The following BPNT1 variants were observed in gnomAD, a reference collection of about 807,000 sequenced individuals.
BPNT1 encodes 3'(2'), 5'-bisphosphate nucleotidase 1.
A neutral mutation model predicts 36.9 loss-of-function variants in BPNT1; 28 were observed. That is an observed-to-expected ratio of 0.76 (90% CI 0.56 to 1.04). BPNT1 has a LOEUF of 1.04. BPNT1 is among the 50% of genes least tolerant of loss of function. The pLI is 0.00. For missense variants in BPNT1, 313 were observed against 372.9 expected, an observed-to-expected ratio of 0.84 and a Z score of 1.32; for synonymous variants, 119 against 130.9, an observed-to-expected ratio of 0.91 and a Z score of 0.62.
intron 1 of BPNT1, among the ~76,000 whole-genome samples, chr1:220,081,926 C>T (rs973097174): frequency 6.6e-6 from 1 of 151,738 alleles, no homozygotes; most frequent in African/African-American, 2.4e-5. Context: ...TCCGAAAGCA[C>T]TCCCTAATAA....
At chr1:220,061,410 T>C (rs1663017771) in intron 7 of BPNT1, among the ~76,000 whole-genome samples, 1 of 151,878 alleles carries the variant, frequency 6.6e-6, no homozygotes, top group African/African-American at 2.4e-5. Flanking sequence ...GGCAGGCGCC[T>C]GTAATCCCAG....
rs993765425 is a variant in BPNT1, at chr1:220,078,402, AAAT to A, written c.120+1322_120+1324del. Among the ~76,000 whole-genome samples, 29 of 143,142 alleles carry A rather than the reference AAAT, an allele frequency of 2.0e-4. 1 individual carries two copies. The highest frequency in any genetic ancestry group is 3.6e-3 in the Middle Eastern group (1 of 278). The allele number at this position is 143,142 out of a possible 152,430, so 93.9% of individuals were successfully genotyped here. A position where few individuals can be genotyped will look rare whatever the true frequency, so the allele number is the denominator to read the frequency against. ...ATATAGAATTATTATAATTATATATAAATAATAATTTATAATAATAAATAATAA... is the reference window on the plus strand; with the variant it reads ...ATATAGAATTATTATAATTATATATAAATAATTTATAATAATAAATAATAA... On this transcript the variant is annotated intron_variant, in intron 2 of 8. Coordinates refer to ENST00000322067, the MANE Select transcript of BPNT1 (RefSeq NM_006085.6).
At position 220,072,848 on chromosome 1, in the gene BPNT1, A is replaced by G. The variant is rs776011878; in HGVS notation, c.333+2T>C. ...AGAGTTGAGTATAAATATGGGTCAT[A>G]CATCTTCTTCTTTAATAGCACTGTA... is the stretch of plus-strand genomic sequence containing the variant. On this transcript the variant is annotated splice_donor_variant, in intron 4 of 8. Coordinates refer to ENST00000322067, the MANE Select transcript of BPNT1 (RefSeq NM_006085.6). LOFTEE classifies it high-confidence loss of function. 1 of 1,610,158 alleles carries G rather than the reference A, an allele frequency of 6.2e-7. No individual in the cohort carries two copies. The highest frequency in any genetic ancestry group is 8.5e-7 in the Non-Finnish European group (1 of 1,176,386).
At chr1:220,078,514 TTATA>T (rs1558096538) in intron 2 of BPNT1, among the ~76,000 whole-genome samples, 1 of 126,378 alleles carries the variant, frequency 7.9e-6, no homozygotes, top group East Asian at 2.5e-4. Flanking sequence ...TATAATATAA[TTATA>T]TATAATTATA....
Position 220,079,821 on chromosome 1 carries a change from A to G in BPNT1, c.26T>C (p.Met9Thr). The G allele has an allele frequency of 6.2e-7, 1 of 1,614,120 alleles. No homozygotes were observed. Among genetic ancestry groups the G allele is most frequent in the Non-Finnish European group, 8.5e-7 (1 of 1,179,988 alleles). ...AGAATATGCGGAGGCTACCAACCGC[A>G]TCAACACAGTGTTACTGGAAGCCAT... MASSNTVL[M>T]RLVASAYSIA... The change falls in exon 2 of 9, where the codon ATG becomes ACG. Residue 9 changes from methionine (M) to threonine (T), a missense_variant. Met to Thr is a moderately conservative substitution (Grantham distance 81, BLOSUM62 -1). Transcript: ENST00000322067.
chr1:220,062,942 C>A lies in BPNT1; in HGVS notation c.487G>T (p.Ala163Ser). The change falls in exon 7 of 9, where the codon GCT becomes TCT. Residue 163 changes from alanine (A) to serine (S), a missense_variant. Transcript: ENST00000322067. ...CCCCAGATTGTCCTCCCCAACACAG[C>A]ATCTGGTCCTGCCTGTGTAAACGAG... ...PYYNYEAGPD[A>S]VLGRTIWGVL... 1.9e-6 allele frequency: 3 copies of A among 1,614,160 alleles called. No homozygotes were observed. In the Admixed American group the frequency reaches 5.0e-5, roughly 27 times the overall value.
rs770688363 is a variant in BPNT1, at chr1:220,058,818, C to G, written c.*26G>C. 5 of 1,610,532 alleles carry G rather than the reference C, an allele frequency of 3.1e-6. No individual in the cohort carries two copies. The South Asian group carries it at 4.4e-5, about 14-fold the overall frequency. On this transcript the variant is annotated 3_prime_UTR_variant, in exon 9 of 9. Transcript: ENST00000322067. ...TGCTGGGATTACAGGCATGAGCCACCGCGCCCGGCCAAATGAAACTTTCCT... is the reference window on the plus strand; with the variant it reads ...TGCTGGGATTACAGGCATGAGCCACGGCGCCCGGCCAAATGAAACTTTCCT...
intron 2 of BPNT1, 99 bp from the exon 3 acceptor site, chr1:220,074,170 A>G: frequency 9.6e-7 from 1 of 1,041,136 alleles, no homozygotes; most frequent in Non-Finnish European, 1.4e-6. Flanking sequence ...TTACACTGTC[A>G]GTTTTTAGAG....
chr1:220,058,324 A>G lies in BPNT1; in HGVS notation c.*520T>C, dbSNP rs1312512841. 65 of 987,810 alleles carry G rather than the reference A, an allele frequency of 6.6e-5. No individual in the cohort carries two copies. The highest frequency in any genetic ancestry group is 7.5e-5 in the Non-Finnish European group (62 of 831,034). 61.2% of individuals were successfully genotyped at this position (987,810 alleles called of 1,614,324 possible). A position where few individuals can be genotyped will look rare whatever the true frequency, so the allele number is the denominator to read the frequency against. ...CATATTGAGTTTATAAGTTCTCCAG[A>G]CGTCAAAATTGGTCTGGTTGATTAA... On this transcript the variant is annotated 3_prime_UTR_variant, in exon 9 of 9. Coordinates refer to ENST00000322067, the MANE Select transcript of BPNT1 (RefSeq NM_006085.6).
intron 2 of BPNT1, among the ~76,000 whole-genome samples, chr1:220,078,113 G>A (rs1664721227): frequency 6.7e-6 from 1 of 149,462 alleles, no homozygotes; most frequent in South Asian, 2.1e-4. Flanking sequence ...GCTTGAGGCT[G>A]CAACAAGCTA....
chr1:220,057,873 G>A lies in BPNT1; in HGVS notation c.*971C>T. On this transcript the variant is annotated 3_prime_UTR_variant, in exon 9 of 9. Transcript: ENST00000322067. ...CAAGAGTGAGATTCCAGAAAAAATT[G>A]TGCCCTAAAGAAATCTGGTTTAGGC... 1 of 1,302,974 alleles carries A rather than the reference G, an allele frequency of 7.7e-7. No individual in the cohort carries two copies. The highest frequency in any genetic ancestry group is 1.2e-5 in the South Asian group (1 of 80,902). 80.7% of individuals were successfully genotyped at this position (1,302,974 alleles called of 1,614,324 possible).
At chr1:220,073,069 T>C (rs560302108) in intron 3 of BPNT1, 112 bp from the exon 4 acceptor site, 3 of 923,246 alleles carry the variant, frequency 3.2e-6, no homozygotes, top group Admixed American at 2.2e-5. Context: ...GTTCTTCTGG[T>C]TTACCATTTA....
At chr1:220,088,417 A>G (rs1266414557) in intron 1 of BPNT1, among the ~76,000 whole-genome samples, 1 of 140,342 alleles carries the variant, frequency 7.1e-6, no homozygotes, top group Non-Finnish European at 1.5e-5. Flanking sequence ...TAGGAGGCAG[A>G]GGTTGTGGTG....
intron 2 of BPNT1, among the ~76,000 whole-genome samples, chr1:220,075,734 C>T (rs1396008731): frequency 1.3e-5 from 2 of 152,094 alleles, no homozygotes; most frequent in African/African-American, 4.8e-5. Context: ...TCATTGGAAC[C>T]TTGTGTGATA....
chr1:220,063,600 A>C (rs1246272701), intron 6 of BPNT1, among the ~76,000 whole-genome samples: 3 of 152,206 alleles, frequency 2.0e-5, no homozygotes, highest in Admixed American at 2.0e-4. Context: ...GAAGGTACTA[A>C]GATCCCCAGG....
chr1:220,082,123 G>GTGTA (rs1553263455), intron 1 of BPNT1, among the ~76,000 whole-genome samples: 3,261 of 133,934 alleles, frequency 0.024, 64 homozygotes, highest in Middle Eastern at 0.047. Context: ...GAGAGAGAGT[G>GTGTA]TATATATATA....
chr1:220,061,822 G>A (rs1300564545), intron 7 of BPNT1, among the ~76,000 whole-genome samples: 3 of 152,134 alleles, frequency 2.0e-5, no homozygotes, highest in Non-Finnish European at 4.4e-5. Context: ...GGCTAGGGAT[G>A]TAGATCAAAT....
chr1:220,073,190 GA>G (rs1222484173), intron 3 of BPNT1, among the ~76,000 whole-genome samples: 32 of 152,234 alleles, frequency 2.1e-4, no homozygotes, highest in Middle Eastern at 3.4e-3. Flanking sequence ...AGTTTAAAAA[GA>G]AAAGAATTTT....
chr1:220,069,472 C>A (rs1204249922), intron 4 of BPNT1, 40 bp from the exon 5 acceptor site: 1 of 1,504,392 alleles, frequency 6.6e-7, no homozygotes, highest in Non-Finnish European at 9.1e-7. Flanking sequence ...CTAAATCAAG[C>A]ACACAAAATT....
Sources: gnomAD v4.1 joint callset for allele counts (sites outside exome capture counted in the v4.1 genomes callset) on GRCh38, gnomAD v4.1.1 for gene constraint, MANE v1.5 for transcripts, NCBI Gene and HGNC (gene_info 2026-07-23, HGNC 2026-07-21) for gene names.